Variants in SLC14A2 observed in about 807,000 individuals in gnomAD.
SLC14A2 encodes the protein solute carrier family 14 member 2.
A neutral mutation model predicts 104.6 loss-of-function variants in SLC14A2; 91 were observed. The observed-to-expected ratio is 0.87, with a 90% CI of 0.73 to 1.04. The LOEUF (loss-of-function observed/expected upper bound fraction) is 1.04. Ranked by LOEUF, SLC14A2 falls within the 50% of genes least tolerant of loss-of-function variation. SLC14A2 has a pLI of 0.00. For synonymous variants in SLC14A2, 476 were observed against 466.4 expected, an observed-to-expected ratio of 1.02 and a Z score of -0.27; for missense variants, 1,189 against 1,156.0, an observed-to-expected ratio of 1.03 and a Z score of -0.41.
At chr18:45,611,102 C>T (rs897314169), upstream of SLC14A2, among the ~76,000 whole-genome samples, 20 of 152,146 alleles carry the variant, frequency 1.3e-4, no homozygotes, top group African/African-American at 4.8e-4. Flanking sequence ...CAACACCAGC[C>T]CATTAAGCAT....
chr18:45,479,824 G>A (rs937653913), intron 1 of SLC14A2, among the ~76,000 whole-genome samples: 3 of 152,194 alleles, frequency 2.0e-5, no homozygotes, highest in Non-Finnish European at 4.4e-5. Context: ...ATTACCCACA[G>A]CAACAGGCCT....
intron 1 of SLC14A2, among the ~76,000 whole-genome samples, chr18:45,363,382 A>AAGAT: frequency 6.6e-6 from 1 of 151,788 alleles, no homozygotes; most frequent in East Asian, 1.9e-4. Context: ...GAAAGAAAGA[A>AAGAT]AGCTGCTAAT....
intron 1 of SLC14A2, among the ~76,000 whole-genome samples, chr18:45,618,669 CAAAAAAA>C (rs60728655): frequency 5.9e-4 from 30 of 50,692 alleles, no homozygotes; most frequent in Middle Eastern, 0.016. Flanking sequence ...AACTCTGTCT[CAAAAAAA>C]AAAAAAAAAA....
At chr18:45,220,371 G>T (rs571192503) in intron 1 of SLC14A2, among the ~76,000 whole-genome samples, 1 of 152,144 alleles carries the variant, frequency 6.6e-6, no homozygotes, top group Non-Finnish European at 1.5e-5. Flanking sequence ...CCCTTACTAC[G>T]CACAGACTAA....
At chr18:45,277,197 C>T (rs554029060) in intron 1 of SLC14A2, among the ~76,000 whole-genome samples, 1 of 152,264 alleles carries the variant, frequency 6.6e-6, no homozygotes, top group South Asian at 2.1e-4. Flanking sequence ...AGTTCTGCTA[C>T]ATATTAGCTG....
At chr18:45,175,449 G>A in the SLC14A2 span, among the ~76,000 whole-genome samples, 1 of 152,096 alleles carries the variant, frequency 6.6e-6, no homozygotes, top group African/African-American at 2.4e-5. Flanking sequence ...TCAGGTGTGG[G>A]CAATACCATT....
intron 15 of SLC14A2, 95 bp from the exon 16 acceptor site, chr18:45,669,211 T>A: frequency 9.7e-7 from 1 of 1,030,664 alleles, no homozygotes. Flanking sequence ...AGGCTGCTTT[T>A]CTCTAGGAAG....
intron 1 of SLC14A2, among the ~76,000 whole-genome samples, chr18:45,455,662 TA>T (rs35185442): frequency 0.3 from 35,899 of 118,348 alleles, 4,529 homozygotes; most frequent in South Asian, 0.5. Flanking sequence ...AATAATAAAG[TA>T]AAAAAAAAAT....
chr18:45,370,028 A>C (rs1394499175), intron 1 of SLC14A2, among the ~76,000 whole-genome samples: 2 of 152,206 alleles, frequency 1.3e-5, no homozygotes, highest in Non-Finnish European at 2.9e-5. Context: ...GGCTCTAGGC[A>C]AAGCCATCTT....
the SLC14A2 span, among the ~76,000 whole-genome samples, chr18:45,174,194 A>G: frequency 6.6e-6 from 1 of 152,108 alleles, no homozygotes; most frequent in Non-Finnish European, 1.5e-5. Flanking sequence ...TCTTCCTGGA[A>G]GGGAGCATGT....
At chr18:45,416,283 A>T (rs2086276708) in intron 1 of SLC14A2, among the ~76,000 whole-genome samples, 1 of 140,194 alleles carries the variant, frequency 7.1e-6, no homozygotes, top group Non-Finnish European at 1.5e-5. Context: ...CACAGCAAGG[A>T]TAACTACACC....
chr18:45,470,770 C>CGAT (rs138650518), intron 1 of SLC14A2, among the ~76,000 whole-genome samples: 9 of 151,866 alleles, frequency 5.9e-5, no homozygotes, highest in African/African-American at 1.7e-4. Flanking sequence ...ATGATGATGA[C>CGAT]GATGATGATG....
intron 2 of SLC14A2, among the ~76,000 whole-genome samples, chr18:45,594,193 T>C (rs1216603660): frequency 1.3e-5 from 2 of 152,190 alleles, no homozygotes; most frequent in African/African-American, 4.8e-5. Context: ...GGTTAATTTG[T>C]ATGGCACACA....
intron 1 of SLC14A2, among the ~76,000 whole-genome samples, chr18:45,417,938 C>G (rs1399868405): frequency 6.6e-6 from 1 of 152,082 alleles, no homozygotes; most frequent in South Asian, 2.1e-4. Flanking sequence ...ATAAGAGGAA[C>G]CTGTAGTCAT....
At chr18:45,666,372 ATGTCTCTTTCACAGTTTACTT>A (rs1171002765) in intron 12 of SLC14A2, among the ~76,000 whole-genome samples, 153 bp downstream of exon 12, 3 of 152,054 alleles carry the variant, frequency 2.0e-5, no homozygotes. Flanking sequence ...TGGGACAAAA[ATGTCTCTTTCACAGTTTACTT>A]TGTAACTTTT....
At chr18:45,534,802 C>A (rs2043755146) in intron 2 of SLC14A2, among the ~76,000 whole-genome samples, 1 of 152,128 alleles carries the variant, frequency 6.6e-6, no homozygotes, top group Non-Finnish European at 1.5e-5. Context: ...CCTGAGATCA[C>A]AGAGGAGAAC....
At chr18:45,351,046 CTTCT>C (rs2085498380) in intron 1 of SLC14A2, among the ~76,000 whole-genome samples, 1 of 152,134 alleles carries the variant, frequency 6.6e-6, no homozygotes, top group East Asian at 1.9e-4. Context: ...CTCTCCCTTT[CTTCT>C]TTCTTCTTGA....
At chr18:45,240,484 T>G (rs770782319) in intron 1 of SLC14A2, among the ~76,000 whole-genome samples, 1 of 152,136 alleles carries the variant, frequency 6.6e-6, no homozygotes, top group Non-Finnish European at 1.5e-5. Flanking sequence ...AATTCTATCT[T>G]TAGTTTTCTG....
At chr18:45,248,363 GGT>G (rs1165719462) in intron 1 of SLC14A2, among the ~76,000 whole-genome samples, 5 of 152,112 alleles carry the variant, frequency 3.3e-5, no homozygotes, top group Non-Finnish European at 5.9e-5. Flanking sequence ...GCCTGTCTGA[GGT>G]TCATGAAAGG....
Sources: allele counts gnomAD v4.1 joint callset (sites outside exome capture counted in the v4.1 genomes callset), GRCh38; gene constraint gnomAD v4.1.1; transcripts MANE v1.5; gene names NCBI Gene and HGNC (gene_info 2026-07-23, HGNC 2026-07-21).